PRKCZ: variants seen among roughly 807,000 people sequenced by gnomAD.
The protein encoded by PRKCZ is protein kinase C zeta type.
In PRKCZ, 33 loss-of-function variants were observed where a neutral mutation model predicts 79.5. The observed-to-expected ratio is 0.41, with a 90% CI of 0.31 to 0.55. The LOEUF (loss-of-function observed/expected upper bound fraction) is 0.55, where lower values mean the gene tolerates loss of function less well. Among genes scored for constraint, PRKCZ ranks in the 20% least tolerant of loss-of-function variants. The pLI is 0.19. For synonymous variants in PRKCZ, 342 were observed against 320.9 expected, an observed-to-expected ratio of 1.07 and a Z score of -0.70; for missense variants, 578 against 813.5, an observed-to-expected ratio of 0.71 and a Z score of 3.52.
intron 8 of PRKCZ, 55 bp downstream of exon 8, chr1:2,148,979 A>T: frequency 6.4e-6 from 10 of 1,566,278 alleles, no homozygotes; most frequent in Non-Finnish European, 8.8e-6. Flanking sequence ...AAAGTCTGTG[A>T]GCCTGTCTCT....
chr1:2,174,359 A>G lies in PRKCZ; in HGVS notation c.1405+343A>G, dbSNP rs2100384123. On this transcript the variant is annotated intron_variant, in intron 14 of 17. Coordinates refer to ENST00000378567, the MANE Select transcript of PRKCZ (RefSeq NM_002744.6). The surrounding 1 kb of genome is among the most constrained non-coding windows in gnomAD (Gnocchi z 6.2). ...CCCACCCCCAAAACCCACAGCCACC[A>G]TCATGGGCTCCTTCCCACCTGGAGG... Among the ~76,000 whole-genome samples the G allele has an allele frequency of 6.6e-6, 1 of 152,308 alleles. No individual in the cohort carries two copies. Among genetic ancestry groups the G allele is most frequent in the South Asian group, 2.1e-4 (1 of 4,832 alleles).
chr1:2,117,998 C>CCTTTTTTTTTTTTTTTTTTTTTTTT lies in PRKCZ; in HGVS notation c.335-17264_335-17263insCTTTTTTTTTTTTTTTTTTTTTTTT, dbSNP rs58233626. 2.0e-4 allele frequency among the ~76,000 whole-genome samples: 13 copies of CCTTTTTTTTTTTTTTTTTTTTTTTT among 65,058 alleles called. 6 individuals carry two copies. Among genetic ancestry groups the CCTTTTTTTTTTTTTTTTTTTTTTTT allele is most frequent in the African/African-American group, 2.5e-4 (4 of 16,166 alleles). 42.7% of individuals were successfully genotyped at this position (65,058 alleles called of 152,430 possible). ...TATGAGAGAGATTAGCCTATTATTT[C>CCTTTTTTTTTTTTTTTTTTTTTTTT]TTTTTTTTTTTTTTTTGGAGTCTCA... On this transcript the variant is annotated intron_variant, in intron 4 of 17. Transcript: ENST00000378567.
intron 10 of PRKCZ, chr1:2,169,274 C>G (rs1208793172): frequency 5.5e-6 from 3 of 544,798 alleles, no homozygotes; most frequent in South Asian, 1.5e-5. Flanking sequence ...CACACAGTGG[C>G]CAAGAGTGAA....
rs190835652 is a variant in PRKCZ at position 2,178,487 on chromosome 1, G to A, written c.1575+3174G>A. ...TGGCCATTGTGAATTGTGCTGCCGT[G>A]AACACCTGTGAACCCGCTTCTGGGT... is the stretch of plus-strand genomic sequence containing the variant. On this transcript the variant is annotated intron_variant, in intron 16 of 17. Transcript: ENST00000378567. The surrounding 1 kb of genome is among the most constrained non-coding windows in gnomAD (Gnocchi z 4.3). Among the ~76,000 whole-genome samples the A allele has an allele frequency of 2.5e-4, 38 of 152,292 alleles. No homozygotes were observed. Among genetic ancestry groups the A allele is most frequent in the African/African-American group, 8.7e-4 (36 of 41,572 alleles).
intron 4 of PRKCZ, among the ~76,000 whole-genome samples, chr1:2,131,005 C>G (rs1291663208): frequency 6.6e-6 from 1 of 152,182 alleles, no homozygotes; most frequent in Non-Finnish European, 1.5e-5. Context: ...GCAAGCAGTG[C>G]CAGCACACTT....
At chr1:2,106,346 C>T (rs1245341740) in intron 4 of PRKCZ, among the ~76,000 whole-genome samples, 9 of 152,268 alleles carry the variant, frequency 5.9e-5, no homozygotes, top group Non-Finnish European at 8.8e-5. Context: ...GCCTCGTGCA[C>T]ACCCTGCCTG....
At chr1:2,160,238 CGT>C (rs56068331) in intron 10 of PRKCZ, among the ~76,000 whole-genome samples, 3,416 of 146,078 alleles carry the variant, frequency 0.023, 68 homozygotes, top group East Asian at 0.067. Flanking sequence ...CAGCAGTGTG[CGT>C]GTGTGTGTGT....
At chr1:2,051,213 A>T (rs1659613299) in intron 1 of PRKCZ, among the ~76,000 whole-genome samples, 2 of 151,902 alleles carry the variant, frequency 1.3e-5, no homozygotes, top group African/African-American at 2.4e-5. Flanking sequence ...GGGTTTCTGG[A>T]GGAGACGGTG....
At chr1:2,074,015 G>A (rs1661916190) in intron 4 of PRKCZ, 5 of 1,427,270 alleles carry the variant, frequency 3.5e-6, no homozygotes, top group South Asian at 1.5e-5. Context: ...TGCGGAGGAC[G>A]GTGCCCGAGT....
intron 1 of PRKCZ, among the ~76,000 whole-genome samples, chr1:2,054,229 C>T (rs1241281324): frequency 6.6e-6 from 1 of 152,228 alleles, no homozygotes; most frequent in African/African-American, 2.4e-5. Flanking sequence ...CACACCCCTT[C>T]AGGCTTCTTT....
chr1:2,088,780 G>A (rs188295641), intron 4 of PRKCZ, among the ~76,000 whole-genome samples: 292 of 152,242 alleles, frequency 1.9e-3, no homozygotes, highest in African/African-American at 6.8e-3. Flanking sequence ...GGGGCTCAGC[G>A]CAACATAGCA....
chr1:2,079,452 G>A (rs2102373155), intron 4 of PRKCZ, among the ~76,000 whole-genome samples: 1 of 152,348 alleles, frequency 6.6e-6, no homozygotes, highest in African/African-American at 2.4e-5. Flanking sequence ...TTAAGCCCAC[G>A]CTATTTGCCG....
intron 4 of PRKCZ, among the ~76,000 whole-genome samples, chr1:2,129,777 G>A (rs965838090): frequency 2.6e-5 from 4 of 152,210 alleles, no homozygotes; most frequent in African/African-American, 9.6e-5. Context: ...CTCCATAGGC[G>A]AGTAGGGACC....
chr1:2,156,567 A>G (rs1571884867), intron 10 of PRKCZ: 1 of 184,406 alleles, frequency 5.4e-6, no homozygotes, highest in East Asian at 1.3e-4. Context: ...GTTATTAAGT[A>G]TGTTCTGCAT....
chr1:2,055,569 C>G lies in PRKCZ; in HGVS notation c.193+7C>G. 1 of 1,611,582 alleles carries G rather than the reference C, an allele frequency of 6.2e-7. No individual in the cohort carries two copies. Among genetic ancestry groups the G allele is most frequent in the Non-Finnish European group, 8.5e-7 (1 of 1,178,752 alleles). On this transcript the variant is annotated splice_region_variant and intron_variant, in intron 2 of 17. Transcript: ENST00000378567. ...AAGTGGGTGGACAGCGAAGGTAGCC[C>G]TTGTCCCATGTTGGCCAGAATCCTC...
intron 1 of PRKCZ, among the ~76,000 whole-genome samples, chr1:2,053,193 G>T (rs573672053): frequency 1.6e-4 from 24 of 150,862 alleles, no homozygotes; most frequent in Non-Finnish European, 2.9e-4. Flanking sequence ...CTTCACCTCC[G>T]AGGTTCAAGC....
chr1:2,054,570 T>TA (rs939565538), intron 1 of PRKCZ, among the ~76,000 whole-genome samples: 37 of 147,744 alleles, frequency 2.5e-4, no homozygotes, highest in East Asian at 1.2e-3. Flanking sequence ...GACTCGGTTT[T>TA]AAAAAAAAAA....
At position 2,059,605 on chromosome 1, in the gene PRKCZ, T is replaced by C. The variant is rs1571102920; in HGVS notation, c.334+14T>C. On this transcript the variant is annotated intron_variant, in intron 4 of 17. Transcript: ENST00000378567. ...CGGGAGAAGACAGTGAGTACTGGGG[T>C]TTCCTACGCCGGTCTCGCATGTTAC... is the stretch of plus-strand genomic sequence containing the variant. 3.1e-6 allele frequency: 5 copies of C among 1,613,764 alleles called. No individual in the cohort carries two copies. The highest frequency in any genetic ancestry group is 3.4e-6 in the Non-Finnish European group (4 of 1,179,822).
chr1:2,090,262 G>A (rs974662375), intron 4 of PRKCZ, among the ~76,000 whole-genome samples: 1 of 152,336 alleles, frequency 6.6e-6, no homozygotes, highest in South Asian at 2.1e-4. Context: ...CCTGGGGGCT[G>A]CACCTTGGCA....
Sources: allele counts gnomAD v4.1 joint callset (sites outside exome capture counted in the v4.1 genomes callset), GRCh38; gene constraint gnomAD v4.1.1; non-coding constraint Gnocchi (gnomAD v3.1); transcripts MANE v1.5; gene names NCBI Gene and HGNC (gene_info 2026-07-23, HGNC 2026-07-21).